CFAP20DC: variants seen among roughly 807,000 people sequenced by gnomAD.
CFAP20DC encodes the protein protein CFAP20DC.
A neutral mutation model predicts 101.7 loss-of-function variants in CFAP20DC; 84 were observed. The ratio of observed to expected loss-of-function variants is 0.83; its 90% confidence interval spans 0.69 to 0.99. The LOEUF is 0.99. Among genes scored for constraint, CFAP20DC ranks in the 50% least tolerant of loss-of-function variants. CFAP20DC has a pLI of 0.00. For synonymous variants in CFAP20DC, 359 were observed against 351.2 expected (o/e 1.02, Z -0.25); for missense variants, 1,007 against 970.3 (o/e 1.04, Z -0.50).
At chr3:58,982,577 A>G (rs1169701267) in intron 4 of CFAP20DC, among the ~76,000 whole-genome samples, 1 of 151,966 alleles carries the variant, frequency 6.6e-6, no homozygotes, top group Non-Finnish European at 1.5e-5. Flanking sequence ...GAAACTGGAA[A>G]CCATTATTCT....
intron 14 of CFAP20DC, among the ~76,000 whole-genome samples, chr3:58,827,751 G>A (rs1056094477): frequency 1.1e-4 from 16 of 152,136 alleles, no homozygotes; most frequent in Non-Finnish European, 1.9e-4. Context: ...ACAGTGAGCC[G>A]TTTACCTGGG....
Position 59,007,703 on chromosome 3 carries a change from A to G in CFAP20DC, c.278+31854T>C, listed in dbSNP as rs1193637821. Among the ~76,000 whole-genome samples, 1 of 152,218 alleles carries G rather than the reference A, an allele frequency of 6.6e-6. No homozygotes were observed. Among genetic ancestry groups the G allele is most frequent in the Non-Finnish European group, 1.5e-5 (1 of 68,042 alleles). On this transcript the variant is annotated intron_variant, in intron 4 of 16. Coordinates refer to ENST00000482387, the MANE Select transcript of CFAP20DC (RefSeq NM_001394063.1). The surrounding 1 kb of genome is among the most constrained non-coding windows in gnomAD (Gnocchi z 4.4). ...TCACATCACAGGACTCTTTGCAGAC[A>G]TTCCCCAGCAGCAGTCTGGAGCCTG...
intron 5 of CFAP20DC, among the ~76,000 whole-genome samples, chr3:58,919,214 A>C (rs2085068149): frequency 6.6e-6 from 1 of 152,074 alleles, no homozygotes; most frequent in Admixed American, 6.5e-5. Flanking sequence ...TCTTTCACTC[A>C]GCATAATATT....
rs183882260 is a variant in CFAP20DC at position 58,762,089 on chromosome 3, G to A, written c.2238-8226C>T. Among the ~76,000 whole-genome samples the A allele has an allele frequency of 7.9e-3, 1,207 of 152,084 alleles. 12 individuals carry two copies. The highest frequency in any genetic ancestry group is 0.01 in the Non-Finnish European group (700 of 67,978). On this transcript the variant is annotated intron_variant, in intron 15 of 16. Transcript: ENST00000482387. ...AGAGCTGAGTTCAATTCCTGGATAT[G>A]CTTGTTAACTTTCTGTCTCATGGAT...
chr3:58,852,522 T>G lies in CFAP20DC; in HGVS notation c.1594-3113A>C, dbSNP rs559504890. On this transcript the variant is annotated intron_variant, in intron 12 of 16. Coordinates refer to ENST00000482387, the MANE Select transcript of CFAP20DC (RefSeq NM_001394063.1). ...CATCTACAGAACTCTCCACCCCAAATCAACAGAATACACATTTTTTTCAGC... is the reference window on the plus strand; with the variant it reads ...CATCTACAGAACTCTCCACCCCAAAGCAACAGAATACACATTTTTTTCAGC... Among the ~76,000 whole-genome samples the G allele has an allele frequency of 2.9e-4, 44 of 152,152 alleles. No homozygotes were observed. The South Asian group carries it at 8.8e-3, about 30-fold the overall frequency.
At chr3:58,817,633 G>A (rs2075296819) in intron 14 of CFAP20DC, among the ~76,000 whole-genome samples, 1 of 144,416 alleles carries the variant, frequency 6.9e-6, no homozygotes, top group Non-Finnish European at 1.5e-5. Flanking sequence ...AGAAATATGG[G>A]ACTATGTGAA....
chr3:58,993,324 G>T (rs988325481), intron 4 of CFAP20DC, among the ~76,000 whole-genome samples: 1 of 152,098 alleles, frequency 6.6e-6, no homozygotes, highest in Admixed American at 6.6e-5. Context: ...TGTAAACTCT[G>T]AAGCAGGAAA....
chr3:58,834,824 T>C (rs1575821187), intron 13 of CFAP20DC, among the ~76,000 whole-genome samples: 1 of 152,216 alleles, frequency 6.6e-6, no homozygotes, highest in Non-Finnish European at 1.5e-5. Context: ...TTTTTGAATG[T>C]GTACTTTGTA....
chr3:59,048,649 A>C (rs1232554190), intron 1 of CFAP20DC, among the ~76,000 whole-genome samples: 3 of 152,216 alleles, frequency 2.0e-5, no homozygotes, highest in Non-Finnish European at 4.4e-5. Context: ...GGGACAGAAG[A>C]AAGAGAACTG....
rs1287609480 is a variant in CFAP20DC, at chr3:58,891,426, AG to A, written c.551-6718del. 9.8e-3 allele frequency among the ~76,000 whole-genome samples: 11 copies of A among 1,120 alleles called. No homozygotes were observed. The East Asian group carries it at 0.5, about 51-fold the overall frequency. 0.7% of individuals were successfully genotyped at this position (1,120 alleles called of 152,430 possible). On this transcript the variant is annotated intron_variant, in intron 6 of 16. Coordinates refer to ENST00000482387, the MANE Select transcript of CFAP20DC (RefSeq NM_001394063.1). ...GTGGAAAGAGAGGGAGACCGTGGGG[AG>A]AGGGAGAGGGAGAGGGAGAGGGAGA...
chr3:58,886,920 T>A (rs1277884806), intron 6 of CFAP20DC, among the ~76,000 whole-genome samples: 1 of 152,170 alleles, frequency 6.6e-6, no homozygotes, highest in Non-Finnish European at 1.5e-5. Flanking sequence ...TATGTGACTG[T>A]ATGTAGTCAG....
intron 12 of CFAP20DC, among the ~76,000 whole-genome samples, chr3:58,853,972 A>T (rs2108361759): frequency 6.6e-6 from 1 of 152,054 alleles, no homozygotes; most frequent in Non-Finnish European, 1.5e-5. Flanking sequence ...ATAGTGTTGG[A>T]AGTTCTGGCC....
At chr3:58,808,781 A>C (rs1218871599) in intron 14 of CFAP20DC, among the ~76,000 whole-genome samples, 1 of 152,204 alleles carries the variant, frequency 6.6e-6, no homozygotes, top group African/African-American at 2.4e-5. Context: ...AATTGGATAA[A>C]GAGTCAAGAC....
chr3:59,026,891 G>C (rs1002911688), intron 4 of CFAP20DC, among the ~76,000 whole-genome samples: 2 of 152,170 alleles, frequency 1.3e-5, no homozygotes, highest in South Asian at 4.1e-4. Context: ...TTGTTTGGAA[G>C]CATGTCCAAT....
intron 7 of CFAP20DC, among the ~76,000 whole-genome samples, chr3:58,870,609 C>A (rs1404697627): frequency 6.6e-6 from 1 of 151,406 alleles, no homozygotes; most frequent in African/African-American, 2.4e-5. Flanking sequence ...AAAGAAAGGG[C>A]CGGGCGCGGT....
At chr3:58,957,633 C>CA (rs2090760904) in intron 4 of CFAP20DC, among the ~76,000 whole-genome samples, 1 of 152,026 alleles carries the variant, frequency 6.6e-6, no homozygotes, top group East Asian at 1.9e-4. Flanking sequence ...TGGATAAAGA[C>CA]AATGTGGTAC....
intron 4 of CFAP20DC, among the ~76,000 whole-genome samples, chr3:58,972,220 C>A (rs902740089): frequency 6.6e-6 from 1 of 152,040 alleles, no homozygotes; most frequent in African/African-American, 2.4e-5. Flanking sequence ...AGGCTCATAC[C>A]CATGAGGGGA....
intron 14 of CFAP20DC, among the ~76,000 whole-genome samples, chr3:58,826,275 T>C (rs1334796795): frequency 6.6e-6 from 1 of 152,206 alleles, no homozygotes; most frequent in African/African-American, 2.4e-5. Flanking sequence ...TTTGGAATCT[T>C]GACGAAAATT....
chr3:58,991,733 AT>A (rs1471107243), intron 4 of CFAP20DC, among the ~76,000 whole-genome samples: 1 of 152,128 alleles, frequency 6.6e-6, no homozygotes, highest in Non-Finnish European at 1.5e-5. Flanking sequence ...CGAGAATCTA[AT>A]ACCACTGTTG....
Sources: allele counts gnomAD v4.1 joint callset (sites outside exome capture counted in the v4.1 genomes callset), GRCh38; gene constraint gnomAD v4.1.1; non-coding constraint Gnocchi (gnomAD v3.1); transcripts MANE v1.5; gene names NCBI Gene and HGNC (gene_info 2026-07-23, HGNC 2026-07-21).